The following CDC42BPA variants were observed in gnomAD, a reference collection of about 807,000 sequenced individuals.
CDC42BPA encodes the protein serine/threonine-protein kinase MRCK alpha.
In CDC42BPA, 80 loss-of-function variants were observed where a neutral mutation model predicts 223.5. The observed-to-expected ratio is 0.36, with a 90% CI of 0.30 to 0.43. CDC42BPA has a LOEUF of 0.43. Ranked by LOEUF, CDC42BPA falls within the 20% of genes least tolerant of loss-of-function variation. CDC42BPA has a pLI of 1.00. For missense variants in CDC42BPA, 1,743 were observed against 2,099.9 expected, an observed-to-expected ratio of 0.83 and a Z score of 3.32; for synonymous variants, 694 against 718.6, an observed-to-expected ratio of 0.97 and a Z score of 0.55.
chr1:227,268,643 A>AGTGT (rs139047760), intron 1 of CDC42BPA, among the ~76,000 whole-genome samples: 181 of 143,978 alleles, frequency 1.3e-3, no homozygotes, highest in African/African-American at 3.9e-3. Context: ...GTATATATAT[A>AGTGT]GTGTGTGTGT....
intron 16 of CDC42BPA, among the ~76,000 whole-genome samples, chr1:227,084,122 T>A (rs1356656260): frequency 2.0e-5 from 3 of 152,212 alleles, no homozygotes; most frequent in African/African-American, 7.2e-5. Context: ...GTAAGTGGTA[T>A]TCATATAGTA....
chr1:227,005,443 A>G (rs1421488418), intron 34 of CDC42BPA, among the ~76,000 whole-genome samples: 1 of 152,256 alleles, frequency 6.6e-6, no homozygotes, highest in South Asian at 2.1e-4. Context: ...ACATTTGCCG[A>G]TAACTGAAAG....
intron 12 of CDC42BPA, among the ~76,000 whole-genome samples, chr1:227,115,515 C>CAA (rs11355371): frequency 2.8e-5 from 4 of 144,956 alleles, no homozygotes; most frequent in Non-Finnish European, 4.6e-5. Context: ...ACCAGGTAGG[C>CAA]AAAAAAAAAA....
At chr1:227,059,979 G>T (rs1293539302) in intron 21 of CDC42BPA, among the ~76,000 whole-genome samples, 3 of 148,188 alleles carry the variant, frequency 2.0e-5, no homozygotes, top group East Asian at 4.0e-4. Context: ...TAACATTAAA[G>T]AATTAAGTAA....
intron 17 of CDC42BPA, among the ~76,000 whole-genome samples, chr1:227,080,361 T>A (rs1288214896): frequency 6.6e-6 from 1 of 152,134 alleles, no homozygotes; most frequent in African/African-American, 2.4e-5. Context: ...GTTACTAAGA[T>A]GAATATTCCA....
rs575399037 is a variant in CDC42BPA at position 227,174,877 on chromosome 1, T to C, written c.600-14241A>G. 3.9e-5 allele frequency among the ~76,000 whole-genome samples: 6 copies of C among 152,342 alleles called. No homozygotes were observed. In the South Asian group the frequency reaches 1.2e-3, roughly 32 times the overall value. ...AAGTTTCACTAAGTTTCATGTAACCTGCTTGCCCTCAGGGAGAGATTCTAC... is the reference window on the plus strand; with the variant it reads ...AAGTTTCACTAAGTTTCATGTAACCCGCTTGCCCTCAGGGAGAGATTCTAC... On this transcript the variant is annotated intron_variant, in intron 5 of 36. Coordinates refer to ENST00000366766, the MANE Select transcript of CDC42BPA (RefSeq NM_001394014.1).
At chr1:227,160,510 G>T in intron 6 of CDC42BPA, 33 bp downstream of exon 6, 2 of 1,300,808 alleles carry the variant, frequency 1.5e-6, no homozygotes, top group Non-Finnish European at 2.2e-6. Context: ...AAATGTCTGT[G>T]AACAAAATAA....
At chr1:227,040,037 TAAA>T (rs1164695319) in intron 24 of CDC42BPA, 91 bp downstream of exon 24, 58 of 813,510 alleles carry the variant, frequency 7.1e-5, no homozygotes, top group Non-Finnish European at 1.2e-4. Context: ...AATGATTAAG[TAAA>T]ACAAACATTT....
At chr1:227,089,205 G>A (rs1682578954) in intron 16 of CDC42BPA, among the ~76,000 whole-genome samples, 1 of 152,092 alleles carries the variant, frequency 6.6e-6, no homozygotes, top group Non-Finnish European at 1.5e-5. Flanking sequence ...CTGTAATTCT[G>A]TCAAGAAGAG....
intron 6 of CDC42BPA, among the ~76,000 whole-genome samples, chr1:227,150,230 A>AC (rs1266069656): frequency 3.3e-5 from 5 of 151,464 alleles, no homozygotes; most frequent in Non-Finnish European, 7.4e-5. Flanking sequence ...GTCTCAAAAA[A>AC]AAAAAAACAA....
At chr1:227,062,089 T>C (rs1282506256) in intron 21 of CDC42BPA, among the ~76,000 whole-genome samples, 2 of 152,222 alleles carry the variant, frequency 1.3e-5, no homozygotes, top group Non-Finnish European at 2.9e-5. Flanking sequence ...TAATATGAAG[T>C]ATAAAGTTGA....
intron 1 of CDC42BPA, among the ~76,000 whole-genome samples, chr1:227,266,744 A>G (rs1448043012): frequency 1.3e-5 from 2 of 152,232 alleles, no homozygotes; most frequent in Non-Finnish European, 2.9e-5. Context: ...CAAGCTTGAC[A>G]TTTTATGTTT....
chr1:227,198,650 T>C (rs1029380136), intron 4 of CDC42BPA, among the ~76,000 whole-genome samples: 12 of 152,102 alleles, frequency 7.9e-5, no homozygotes, highest in African/African-American at 2.2e-4. Flanking sequence ...ATGAGCATTA[T>C]AGAGTTGCAT....
intron 21 of CDC42BPA, 115 bp downstream of exon 21, chr1:227,069,662 A>G (rs1648302644): frequency 3.1e-6 from 2 of 655,664 alleles, no homozygotes; most frequent in South Asian, 4.3e-5. Flanking sequence ...TTTATTTAAG[A>G]TTCTAGGTCC....
At chr1:227,288,081 T>C (rs1385733454) in intron 1 of CDC42BPA, among the ~76,000 whole-genome samples, 1 of 152,206 alleles carries the variant, frequency 6.6e-6, no homozygotes, top group African/African-American at 2.4e-5. Context: ...TCTATGAGTA[T>C]CATTACATGC....
At chr1:227,043,065 AG>A (rs1671716049) in intron 23 of CDC42BPA, among the ~76,000 whole-genome samples, 1 of 152,238 alleles carries the variant, frequency 6.6e-6, no homozygotes, top group Non-Finnish European at 1.5e-5. Context: ...CAAGTCAAAG[AG>A]TATCTCACAC....
intron 3 of CDC42BPA, among the ~76,000 whole-genome samples, chr1:227,201,755 G>C (rs966381954): frequency 7.0e-6 from 1 of 142,734 alleles, no homozygotes; most frequent in Non-Finnish European, 1.5e-5. Flanking sequence ...ATACAAATGA[G>C]ATTATAGTGC....
chr1:227,017,561 C>G (rs573997102), intron 32 of CDC42BPA, among the ~76,000 whole-genome samples: 1 of 152,128 alleles, frequency 6.6e-6, no homozygotes, highest in African/African-American at 2.4e-5. Context: ...CTATGAGATA[C>G]GGAGTAAAAA....
rs1677080061 is a variant in CDC42BPA at position 227,066,397 on chromosome 1, AAAC to A, written c.2904+3377_2904+3379del. 3.4e-5 allele frequency among the ~76,000 whole-genome samples: 5 copies of A among 146,050 alleles called. No homozygotes were observed. In the South Asian group the frequency reaches 1.1e-3, roughly 31 times the overall value. ...GGGTGAAACTCTGTCTCAAAAAAAA[AAAC>A]AAAAACAAAAACAAAAAAAGAATCC... On this transcript the variant is annotated intron_variant, in intron 21 of 36. Coordinates refer to ENST00000366766, the MANE Select transcript of CDC42BPA (RefSeq NM_001394014.1).
Sources: allele counts gnomAD v4.1 joint callset (sites outside exome capture counted in the v4.1 genomes callset), GRCh38; gene constraint gnomAD v4.1.1; transcripts MANE v1.5; gene names NCBI Gene and HGNC (gene_info 2026-07-23, HGNC 2026-07-21).